CENPW: variants seen among roughly 807,000 people sequenced by gnomAD.
The protein encoded by CENPW is cancer-up-regulated gene 2 protein.
A neutral mutation model predicts 11.1 loss-of-function variants in CENPW; 3 were observed. The ratio of observed to expected loss-of-function variants is 0.27; its 90% CI spans 0.12 to 0.70. The LOEUF (loss-of-function observed/expected upper bound fraction) is 0.70. Ranked by LOEUF, CENPW falls within the 30% of genes least tolerant of loss-of-function variation. The pLI is 0.77. For synonymous variants in CENPW, 38 were observed against 42.0 expected (o/e 0.91, Z 0.37); for missense variants, 100 against 105.6 (o/e 0.95, Z 0.23).
the CENPW span, among the ~76,000 whole-genome samples, chr6:126,408,850 GTCTTC>G: frequency 6.6e-6 from 1 of 151,996 alleles, no homozygotes; most frequent in South Asian, 2.1e-4. Context: ...ATTTGTGTGA[GTCTTC>G]TCTGTTTTTT....
intron 1 of CENPW, among the ~76,000 whole-genome samples, chr6:126,343,265 T>C (rs1780347550): frequency 6.6e-6 from 1 of 152,242 alleles, no homozygotes; most frequent in Non-Finnish European, 1.5e-5. Flanking sequence ...GTTCTGACCA[T>C]TTTAATATAA....
chr6:126,410,841 A>G, the CENPW span, among the ~76,000 whole-genome samples: 1 of 151,074 alleles, frequency 6.6e-6, no homozygotes, highest in Non-Finnish European at 1.5e-5. Flanking sequence ...TTGATTTTTT[A>G]TATTTATTTT....
chr6:126,408,015 T>C, the CENPW span, among the ~76,000 whole-genome samples: 1 of 152,312 alleles, frequency 6.6e-6, no homozygotes, highest in African/African-American at 2.4e-5. Context: ...TGTGCCTGTG[T>C]CCTGAATGGT....
At chr6:126,390,566 T>G in the CENPW span, among the ~76,000 whole-genome samples, 1 of 151,848 alleles carries the variant, frequency 6.6e-6, no homozygotes, top group African/African-American at 2.4e-5. Flanking sequence ...TATTCATTCT[T>G]TCTAATTTTT....
the CENPW span, among the ~76,000 whole-genome samples, chr6:126,461,423 G>A: frequency 1.3e-5 from 2 of 151,870 alleles, no homozygotes; most frequent in Non-Finnish European, 1.5e-5. Context: ...CAAAGAAAAT[G>A]TGCTAGCCTT....
At chr6:126,390,369 G>C in the CENPW span, among the ~76,000 whole-genome samples, 1 of 151,808 alleles carries the variant, frequency 6.6e-6, no homozygotes, top group South Asian at 2.1e-4. Context: ...TATTTATGGA[G>C]CACAGAAGAT....
the CENPW span, among the ~76,000 whole-genome samples, chr6:126,453,683 C>T: frequency 1.3e-5 from 2 of 150,954 alleles, no homozygotes; most frequent in African/African-American, 2.4e-5. Flanking sequence ...GATATGAGGA[C>T]AAGATCAAAT....
At chr6:126,408,935 T>C in the CENPW span, among the ~76,000 whole-genome samples, 2 of 151,804 alleles carry the variant, frequency 1.3e-5, no homozygotes, top group Non-Finnish European at 2.9e-5. Flanking sequence ...TTTCTTGATC[T>C]TTTTTTTAGT....
At chr6:126,430,443 C>T in the CENPW span, among the ~76,000 whole-genome samples, 1 of 152,154 alleles carries the variant, frequency 6.6e-6, no homozygotes, top group Non-Finnish European at 1.5e-5. Flanking sequence ...TATATACCAG[C>T]ATAATTTAAA....
chr6:126,377,898 C>A, the CENPW span, among the ~76,000 whole-genome samples: 16 of 118,226 alleles, frequency 1.4e-4, no homozygotes, highest in Middle Eastern at 6.3e-3. Flanking sequence ...TGTGAAAAAC[C>A]CACAGTGGGG....
the CENPW span, among the ~76,000 whole-genome samples, chr6:126,411,724 T>A: frequency 6.6e-6 from 1 of 152,216 alleles, no homozygotes; most frequent in Non-Finnish European, 1.5e-5. Flanking sequence ...GTTTGGAGGT[T>A]TGGGCCAAAG....
the CENPW span, among the ~76,000 whole-genome samples, chr6:126,384,157 TTAA>T: frequency 6.6e-6 from 1 of 152,040 alleles, no homozygotes; most frequent in African/African-American, 2.4e-5. Context: ...GACTTTCAAG[TTAA>T]TAATGAAATT....
At chr6:126,368,735 C>T in the CENPW span, among the ~76,000 whole-genome samples, 3 of 151,962 alleles carry the variant, frequency 2.0e-5, no homozygotes, top group South Asian at 2.1e-4. Context: ...AGCTCCGCCT[C>T]CCGGGTTCAC....
At chr6:126,456,008 G>T in the CENPW span, among the ~76,000 whole-genome samples, 1 of 150,528 alleles carries the variant, frequency 6.6e-6, no homozygotes, top group African/African-American at 2.4e-5. Flanking sequence ...AACGAGGGGG[G>T]GCAAAAGATG....
the CENPW span, among the ~76,000 whole-genome samples, chr6:126,459,583 T>G: frequency 1.3e-5 from 2 of 151,604 alleles, no homozygotes; most frequent in Non-Finnish European, 3.0e-5. Flanking sequence ...TTATCAAAAG[T>G]GAAATTATTT....
chr6:126,444,932 TTAA>T, the CENPW span, among the ~76,000 whole-genome samples: 2 of 151,302 alleles, frequency 1.3e-5, no homozygotes, highest in East Asian at 3.9e-4. Flanking sequence ...TCCTTTACCC[TTAA>T]TGTTTCCACC....
chr6:126,362,909 G>C, the CENPW span, among the ~76,000 whole-genome samples: 217 of 152,228 alleles, frequency 1.4e-3, no homozygotes, highest in African/African-American at 4.8e-3. Context: ...AAAGATGGTT[G>C]CTTCAAATAT....
chr6:126,472,553 A>G, the CENPW span, among the ~76,000 whole-genome samples: 2 of 152,174 alleles, frequency 1.3e-5, no homozygotes, highest in Non-Finnish European at 2.9e-5. Flanking sequence ...CTGCTTATCC[A>G]TTCATGTGTT....
At chr6:126,426,527 CAT>C in the CENPW span, among the ~76,000 whole-genome samples, 1 of 152,144 alleles carries the variant, frequency 6.6e-6, no homozygotes, top group Admixed American at 6.5e-5. Context: ...ATATACATGA[CAT>C]ATGATAGATA....
Sources: allele counts gnomAD v4.1 joint callset (sites outside exome capture counted in the v4.1 genomes callset), GRCh38; gene constraint gnomAD v4.1.1; transcripts MANE v1.5; gene names NCBI Gene and HGNC (gene_info 2026-07-23, HGNC 2026-07-21).